PCDHGA11: variants seen among roughly 807,000 people sequenced by gnomAD.
The protein encoded by PCDHGA11 is protocadherin gamma subfamily A, 11.
PCDHGA11 carries 39 observed loss-of-function variants against 60.4 expected under a neutral mutation model. The observed-to-expected ratio is 0.65, with a 90% CI of 0.50 to 0.84. The LOEUF (loss-of-function observed/expected upper bound fraction) is 0.84, where lower values mean the gene tolerates loss of function less well. Ranked by LOEUF, PCDHGA11 falls within the 40% of genes least tolerant of loss-of-function variation. The pLI, the probability that PCDHGA11 is intolerant of heterozygous loss-of-function variation, is 0.00. For synonymous variants in PCDHGA11, 533 were observed against 510.3 expected, an observed-to-expected ratio of 1.04 and a Z score of -0.60; for missense variants, 1,165 against 1,197.7, an observed-to-expected ratio of 0.97 and a Z score of 0.40.
intron 1 of PCDHGA11, chr5:141,428,018 C>T (rs771831423): frequency 1.9e-6 from 3 of 1,604,570 alleles, no homozygotes; most frequent in Non-Finnish European, 2.6e-6. Flanking sequence ...TAGTGCCACG[C>T]GCCGCAGAGT....
rs757926227 is a variant in PCDHGA11, at chr5:141,432,889, G to A, written c.2433+9229G>A. 1.6e-5 allele frequency: 26 copies of A among 1,614,180 alleles called. No individual in the cohort carries two copies. In the East Asian group the frequency reaches 5.8e-4, roughly 36 times the overall value. On this transcript the variant is annotated intron_variant, in intron 1 of 3. Transcript: ENST00000398587. This position sits in a 1 kb window ranked among gnomAD's most constrained non-coding sequence, Gnocchi z 6.0. ...GCGTCTTCCTGGCCTTCGTCATCTT[G>A]CTGCTGGCGCTCAGGCTGCGGCGCT...
chr5:141,500,499 G>T lies in PCDHGA11; in HGVS notation c.2493-4894G>T, dbSNP rs531501031. On this transcript the variant is annotated intron_variant, in intron 2 of 3. Transcript: ENST00000398587. ...GCTGGGATTACAGGCGTGAGCCACC[G>T]CGCCTGGCCGAGCTTCATTTTAAAA... Among the ~76,000 whole-genome samples, 24 of 152,088 alleles carry T rather than the reference G, an allele frequency of 1.6e-4. 1 individual carries two copies. In the Middle Eastern group the frequency reaches 0.01, roughly 65 times the overall value.
In PCDHGA11 at chr5:141,421,512, G is replaced by A; in HGVS notation, c.285G>A (p.Glu95=). Residue 95 remains glutamate (E), a synonymous_variant, in exon 1 of 4, where the codon GAG becomes GAA. Transcript: ENST00000398587. ...CGGCAGGCAGGATAGACCGGGAGGA[G>A]CTCTGTGAGACGGTGTCCTCCTGTT... The part of the protein sequence containing the change: ...LITAGRIDRE[E]LCETVSSCFL... 6.2e-7 allele frequency: 1 copy of A among 1,614,094 alleles called. No individual in the cohort carries two copies. Among genetic ancestry groups the A allele is most frequent in the Non-Finnish European group, 8.5e-7 (1 of 1,179,920 alleles).
Position 141,432,082 on chromosome 5 carries a change from C to G in PCDHGA11, c.2433+8422C>G. The G allele has an allele frequency of 1.2e-6, 2 of 1,614,184 alleles. No individual in the cohort carries two copies. The highest frequency in any genetic ancestry group is 1.7e-6 in the Non-Finnish European group (2 of 1,180,028). On this transcript the variant is annotated intron_variant, in intron 1 of 3. Coordinates refer to ENST00000398587, the MANE Select transcript of PCDHGA11 (RefSeq NM_018914.3). This position sits in a 1 kb window ranked among gnomAD's most constrained non-coding sequence, Gnocchi z 6.0. Reference sequence around the variant, plus strand: ...CCACGGAAACTCATATCTCGCTGAACGTGGCAGACACCAACGACAACCCGC... The same window carrying G: ...CCACGGAAACTCATATCTCGCTGAAGGTGGCAGACACCAACGACAACCCGC...
chr5:141,428,190 T>C (rs1348507135), intron 1 of PCDHGA11: 2 of 1,429,918 alleles, frequency 1.4e-6, no homozygotes, highest in Non-Finnish European at 1.9e-6. Flanking sequence ...CAGCCGCCGC[T>C]CTCTGCGCCG....
chr5:141,481,913 CAAAAAA>C (rs34114744), intron 1 of PCDHGA11, among the ~76,000 whole-genome samples: 1 of 90,850 alleles, frequency 1.1e-5, no homozygotes. Flanking sequence ...AACTCCATCT[CAAAAAA>C]AAAAAAAAAA....
chr5:141,421,855 C>T lies in PCDHGA11; in HGVS notation c.628C>T (p.Leu210=), dbSNP rs1329066630. The T allele has an allele frequency of 6.2e-7, 1 of 1,613,764 alleles. No individual in the cohort carries two copies. Among genetic ancestry groups the T allele is most frequent in the East Asian group, 2.2e-5 (1 of 44,882 alleles). The change falls in exon 1 of 4, where the codon CTG becomes TTG. Residue 210 remains leucine (L), a synonymous_variant. Transcript: ENST00000398587. ...GGACCGAGAGAAAGAGGCTGCTCAC[C>T]TGCTCCTCCTCACAGCTTTAGATGG... is the stretch of plus-strand genomic sequence containing the variant. ...SLDREKEAAH[L]LLLTALDGGD...
At position 141,486,827 on chromosome 5, in the gene PCDHGA11, C is replaced by G. The variant is rs758132181; in HGVS notation, c.2434-7980C>G. 1.2e-6 allele frequency: 2 copies of G among 1,614,228 alleles called. No homozygotes were observed. Among genetic ancestry groups the G allele is most frequent in the Admixed American group, 1.7e-5 (1 of 60,034 alleles). On this transcript the variant is annotated intron_variant, in intron 1 of 3. Transcript: ENST00000398587. This position sits in a 1 kb window ranked among gnomAD's most constrained non-coding sequence, Gnocchi z 5.0. ...ACCCCTTAGCAGCACTGTAACAGTTCGTCTATTTGTGCTGGACCTCAATGA... is the reference window on the plus strand; with the variant it reads ...ACCCCTTAGCAGCACTGTAACAGTTGGTCTATTTGTGCTGGACCTCAATGA...
rs567522277 is a variant in PCDHGA11, at chr5:141,485,131, A to G, written c.2434-9676A>G. 1.3e-6 allele frequency: 2 copies of G among 1,482,660 alleles called. No individual in the cohort carries two copies. The highest frequency in any genetic ancestry group is 1.2e-5 in the South Asian group (1 of 83,730). 91.8% of individuals were successfully genotyped at this position (1,482,660 alleles called of 1,614,324 possible). ...TGGCTGTTTGGGGCGGGTCGGCTTC[A>G]TCCGCGTCTCAGGAGCAAGTAGAGA... On this transcript the variant is annotated intron_variant, in intron 1 of 3. Transcript: ENST00000398587. The surrounding 1 kb of genome is among the most constrained non-coding windows in gnomAD (Gnocchi z 5.7).
Position 141,422,881 on chromosome 5 carries a change from T to G in PCDHGA11, c.1654T>G (p.Phe552Val). ...CAGCAGCAACGTGTCGCTGAGCCTGTTCGTGCTGGACCAGAACGACAATGC... is the reference window on the plus strand; with the variant it reads ...CAGCAGCAACGTGTCGCTGAGCCTGGTCGTGCTGGACCAGAACGACAATGC... ...PLSSNVSLSLFVLDQNDNAPE... is the reference protein window; with the variant it reads ...PLSSNVSLSLVVLDQNDNAPE... Residue 552 changes from phenylalanine to valine, a missense_variant, in exon 1 of 4, where the codon TTC (phenylalanine) becomes GTC (valine). By Grantham distance (50) the Phe-to-Val change is conservative. Coordinates refer to ENST00000398587, the MANE Select transcript of PCDHGA11 (RefSeq NM_018914.3). 6.2e-7 allele frequency: 1 copy of G among 1,614,214 alleles called. No homozygotes were observed. The highest frequency in any genetic ancestry group is 2.2e-5 in the East Asian group (1 of 44,876).
At position 141,490,524 on chromosome 5, in the gene PCDHGA11, T is replaced by C. The variant is rs1197866164; in HGVS notation, c.2434-4283T>C. The C allele has an allele frequency of 1.2e-6, 2 of 1,613,990 alleles. No homozygotes were observed. Among genetic ancestry groups the C allele is most frequent in the Non-Finnish European group, 1.7e-6 (2 of 1,180,018 alleles). On this transcript the variant is annotated intron_variant, in intron 1 of 3. Transcript: ENST00000398587. The surrounding 1 kb of genome is among the most constrained non-coding windows in gnomAD (Gnocchi z 5.4). ...ATATCATCGAGCTGCTGGCCAGCGA[T>C]GCTGGTTCACCTTCCCTACACAAAC...
At position 141,432,009 on chromosome 5, in the gene PCDHGA11, G is replaced by T. The variant is rs1227754190; in HGVS notation, c.2433+8349G>T. ...GTCTTGGATAGGGAACAGGTTCCTAGCTACAACATCACAGTGACCGCCACT... is the reference window on the plus strand; with the variant it reads ...GTCTTGGATAGGGAACAGGTTCCTATCTACAACATCACAGTGACCGCCACT... On this transcript the variant is annotated intron_variant, in intron 1 of 3. Transcript: ENST00000398587. The surrounding 1 kb of genome is among the most constrained non-coding windows in gnomAD (Gnocchi z 6.0). 1 of 1,614,070 alleles carries T rather than the reference G, an allele frequency of 6.2e-7. No homozygotes were observed. The highest frequency in any genetic ancestry group is 8.5e-7 in the Non-Finnish European group (1 of 1,180,032).
At position 141,485,413 on chromosome 5, in the gene PCDHGA11, C is replaced by T; in HGVS notation, c.2434-9394C>T. ...AAAGACACTTCCGTGTGGATTTGGA[C>T]AGCGGAGCCCTGCTCATCAAGAACC... On this transcript the variant is annotated intron_variant, in intron 1 of 3. Transcript: ENST00000398587. The surrounding 1 kb of genome is among the most constrained non-coding windows in gnomAD (Gnocchi z 5.7). The T allele has an allele frequency of 6.2e-7, 1 of 1,614,158 alleles. No individual in the cohort carries two copies. The highest frequency in any genetic ancestry group is 8.5e-7 in the Non-Finnish European group (1 of 1,180,030).
intron 1 of PCDHGA11, among the ~76,000 whole-genome samples, chr5:141,460,976 T>C (rs1444476508): frequency 7.6e-6 from 1 of 131,636 alleles, no homozygotes; most frequent in Non-Finnish European, 1.6e-5. Flanking sequence ...TGTGTGTGTG[T>C]GTGTGTGTAT....
chr5:141,431,016 C>T lies in PCDHGA11; in HGVS notation c.2433+7356C>T, dbSNP rs755015257. Reference sequence around the variant, plus strand: ...AATCCGCGCAGCGGCAGCTTGGTCACGGCGGGCAGGATAGACCGGGAGGAG... The same window carrying T: ...AATCCGCGCAGCGGCAGCTTGGTCATGGCGGGCAGGATAGACCGGGAGGAG... On this transcript the variant is annotated intron_variant, in intron 1 of 3. Transcript: ENST00000398587. This position sits in a 1 kb window ranked among gnomAD's most constrained non-coding sequence, Gnocchi z 4.8. 3 of 1,613,456 alleles carry T rather than the reference C, an allele frequency of 1.9e-6. No individual in the cohort carries two copies. The highest frequency in any genetic ancestry group is 2.2e-5 in the South Asian group (2 of 91,058).
At chr5:141,427,499 T>C in intron 1 of PCDHGA11, 2 of 571,516 alleles carry the variant, frequency 3.5e-6, no homozygotes, top group Non-Finnish European at 3.3e-6. Flanking sequence ...TTGTAACAGA[T>C]GGGACCCTGG....
At position 141,423,237 on chromosome 5, in the gene PCDHGA11, C is replaced by T. The variant is rs761825236; in HGVS notation, c.2010C>T (p.Pro670=). The T allele has an allele frequency of 4.6e-5, 74 of 1,613,798 alleles. No homozygotes were observed. The highest frequency in any genetic ancestry group is 3.3e-4 in the Middle Eastern group (2 of 6,084). Residue 670 remains proline, a synonymous_variant, in exon 1 of 4, where the codon CCC becomes CCT. Transcript: ENST00000398587. ...TLTVAVADSI[P]EVLADLGSLE... ...CCGTGGCTGTGGCCGACAGCATCCC[C>T]GAAGTCCTGGCGGACCTCGGCAGCC... is the stretch of plus-strand genomic sequence containing the variant.
chr5:141,484,375 G>C (rs188702244), intron 1 of PCDHGA11, among the ~76,000 whole-genome samples: 2 of 152,258 alleles, frequency 1.3e-5, no homozygotes, highest in African/African-American at 4.8e-5. Flanking sequence ...ACTAGCAAAT[G>C]TCTGAATAAG....
At position 141,486,135 on chromosome 5, in the gene PCDHGA11, G is replaced by A. The variant is rs145871538; in HGVS notation, c.2434-8672G>A. ...GAGAATTACTATGAATTTGATGTGC[G>A]GGCTCGCGATGGGGGTTCTCCAGCC... On this transcript the variant is annotated intron_variant, in intron 1 of 3. Transcript: ENST00000398587. This position sits in a 1 kb window ranked among gnomAD's most constrained non-coding sequence, Gnocchi z 5.0. The A allele has an allele frequency of 1.9e-6, 3 of 1,614,168 alleles. No homozygotes were observed. Among genetic ancestry groups the A allele is most frequent in the Non-Finnish European group, 2.5e-6 (3 of 1,180,022 alleles).
Sources: gnomAD v4.1 joint callset for allele counts (sites outside exome capture counted in the v4.1 genomes callset) on GRCh38, gnomAD v4.1.1 for gene constraint, Gnocchi (gnomAD v3.1) non-coding constraint, MANE v1.5 for transcripts, NCBI Gene and HGNC (gene_info 2026-07-23, HGNC 2026-07-21) for gene names.